Variants in IKZF2 observed in about 807,000 individuals in gnomAD.
The protein encoded by IKZF2 is zinc finger protein Helios.
IKZF2 carries 15 observed loss-of-function variants against 49.2 expected under a neutral mutation model. The observed-to-expected ratio is 0.30, with a 90% CI of 0.20 to 0.47. The LOEUF is 0.47. IKZF2 is among the 20% of genes least tolerant of loss of function. IKZF2 has a pLI of 1.00. For synonymous variants in IKZF2, 227 were observed against 221.4 expected, an observed-to-expected ratio of 1.03 and a Z score of -0.23; for missense variants, 567 against 664.6, an observed-to-expected ratio of 0.85 and a Z score of 1.61.
At chr2:213,048,257 G>A (rs1039113428) in intron 6 of IKZF2, among the ~76,000 whole-genome samples, 1 of 151,956 alleles carries the variant, frequency 6.6e-6, no homozygotes, top group Non-Finnish European at 1.5e-5. Flanking sequence ...GCAGTTATAA[G>A]GACCATGTCT....
chr2:213,027,617 C>T (rs1697958665), intron 6 of IKZF2, among the ~76,000 whole-genome samples: 1 of 152,078 alleles, frequency 6.6e-6, no homozygotes, highest in Non-Finnish European at 1.5e-5. Flanking sequence ...TTTCCTTTGT[C>T]CCCCTCATGA....
At chr2:213,146,759 C>CGCGGG (rs1553604933) in intron 4 of IKZF2, among the ~76,000 whole-genome samples, 6 of 87,196 alleles carry the variant, frequency 6.9e-5, no homozygotes, top group African/African-American at 1.2e-4. Flanking sequence ...ATTAAATCTT[C>CGCGGG]GGGGGGGGGG....
intron 4 of IKZF2, among the ~76,000 whole-genome samples, chr2:213,094,523 C>A (rs920258159): frequency 6.6e-6 from 1 of 152,010 alleles, no homozygotes; most frequent in African/African-American, 2.4e-5. Flanking sequence ...ACCCCCCTAG[C>A]CTGGGAGAGA....
At chr2:213,066,375 G>A (rs753659142) in intron 4 of IKZF2, among the ~76,000 whole-genome samples, 6 of 152,058 alleles carry the variant, frequency 3.9e-5, no homozygotes, top group African/African-American at 7.2e-5. Flanking sequence ...CAGCTTTACC[G>A]GGTCTCTGAA....
intron 4 of IKZF2, among the ~76,000 whole-genome samples, chr2:213,092,112 A>G (rs887419744): frequency 7.2e-5 from 11 of 152,044 alleles, no homozygotes; most frequent in Admixed American, 2.0e-4. Flanking sequence ...TGCAGCATCG[A>G]CTTCCTGGGC....
At chr2:213,018,572 T>C (rs546359272) in intron 7 of IKZF2, among the ~76,000 whole-genome samples, 32 of 152,262 alleles carry the variant, frequency 2.1e-4, no homozygotes, top group Admixed American at 5.9e-4. Context: ...ATTGGAGACA[T>C]TTTTCTTGAT....
chr2:213,096,128 T>C (rs978069708), intron 4 of IKZF2, among the ~76,000 whole-genome samples: 2 of 151,912 alleles, frequency 1.3e-5, no homozygotes, highest in Non-Finnish European at 2.9e-5. Context: ...ACTAAGGATA[T>C]GTTACTTGAT....
intron 4 of IKZF2, among the ~76,000 whole-genome samples, chr2:213,141,024 T>C (rs182619594): frequency 7.2e-5 from 11 of 152,078 alleles, no homozygotes; most frequent in East Asian, 3.9e-4. Flanking sequence ...CAAACCAGAA[T>C]TGAACTAAGC....
At chr2:213,141,128 C>G (rs1174556070) in intron 4 of IKZF2, among the ~76,000 whole-genome samples, 1 of 151,954 alleles carries the variant, frequency 6.6e-6, no homozygotes, top group East Asian at 1.9e-4. Context: ...GGTTGCCATC[C>G]TTGACTCTAT....
rs566150801 is a variant in IKZF2, at chr2:213,057,038, A to T, written c.201T>A (p.Arg67=). 2.2e-5 allele frequency: 36 copies of T among 1,613,606 alleles called. No individual in the cohort carries two copies. The East Asian group carries it at 7.6e-4, about 34-fold the overall frequency. Residue 67 remains arginine (R), a synonymous_variant, in exon 5 of 9, where the codon CGT becomes CGA. Coordinates refer to ENST00000434687, the MANE Select transcript of IKZF2 (RefSeq NM_001387220.1). ...DEECDRKPLS[R]EDEIRGHDEG... The stretch of plus-strand genomic sequence containing the variant: ...CATCATGGCCCCTGATCTCATCTTC[A>T]CGGCTCAGGGGTTTCCTGTCACACT...
At chr2:213,031,653 C>T (rs139291688) in intron 6 of IKZF2, among the ~76,000 whole-genome samples, 184 of 152,272 alleles carry the variant, frequency 1.2e-3, no homozygotes, top group African/African-American at 4.2e-3. Context: ...TGGGACGAAG[C>T]AAAATATACA....
At chr2:213,120,239 A>G (rs2060008156) in intron 4 of IKZF2, among the ~76,000 whole-genome samples, 1 of 152,254 alleles carries the variant, frequency 6.6e-6, no homozygotes, top group African/African-American at 2.4e-5. Flanking sequence ...ATAAAACAAT[A>G]GCAATACAAT....
At chr2:213,011,264 G>T (rs1695918135) in intron 8 of IKZF2, among the ~76,000 whole-genome samples, 1 of 152,044 alleles carries the variant, frequency 6.6e-6, no homozygotes, top group Non-Finnish European at 1.5e-5. Context: ...GACTACAGGT[G>T]TACCTGGAAG....
intron 4 of IKZF2, among the ~76,000 whole-genome samples, chr2:213,141,415 C>T (rs1411230705): frequency 1.3e-5 from 2 of 151,902 alleles, no homozygotes; most frequent in African/African-American, 4.8e-5. Flanking sequence ...GCCAAGTTTC[C>T]TCTCATACAA....
intron 4 of IKZF2, among the ~76,000 whole-genome samples, chr2:213,124,259 C>CGCGT (rs2060173799): frequency 2.2e-5 from 1 of 44,736 alleles, no homozygotes; most frequent in Non-Finnish European, 6.2e-5. Flanking sequence ...CGCGCACACA[C>CGCGT]ACACACACAC....
intron 4 of IKZF2, among the ~76,000 whole-genome samples, chr2:213,106,499 G>T (rs1357941518): frequency 6.6e-6 from 1 of 151,990 alleles, no homozygotes; most frequent in Admixed American, 6.6e-5. Flanking sequence ...AGGCATGGTG[G>T]TGGCGCATGT....
intron 6 of IKZF2, among the ~76,000 whole-genome samples, chr2:213,044,657 C>T (rs1310829118): frequency 6.6e-6 from 1 of 152,134 alleles, no homozygotes; most frequent in Non-Finnish European, 1.5e-5. Context: ...TGGCTGATGG[C>T]CCTAAGGAGC....
At chr2:213,078,025 C>T (rs1018799892) in intron 4 of IKZF2, among the ~76,000 whole-genome samples, 2 of 152,010 alleles carry the variant, frequency 1.3e-5, no homozygotes, top group Non-Finnish European at 2.9e-5. Context: ...ATATTCCTTT[C>T]CGTCTTAAGA....
intron 6 of IKZF2, among the ~76,000 whole-genome samples, chr2:213,026,185 T>A (rs1184969830): frequency 6.6e-6 from 1 of 152,136 alleles, no homozygotes; most frequent in African/African-American, 2.4e-5. Flanking sequence ...ACTTCTGAGT[T>A]TTGTTTGTTG....
Sources: allele counts gnomAD v4.1 joint callset (sites outside exome capture counted in the v4.1 genomes callset), GRCh38; gene constraint gnomAD v4.1.1; transcripts MANE v1.5; gene names NCBI Gene and HGNC (gene_info 2026-07-23, HGNC 2026-07-21).